Variants in ADGRB3 observed in about 807,000 individuals in gnomAD.
ADGRB3 encodes adhesion G protein-coupled receptor B3, also known as brain-specific angiogenesis inhibitor 3.
A neutral mutation model predicts 193.4 loss-of-function variants in ADGRB3; 37 were observed. The observed-to-expected ratio is 0.19, with a 90% CI of 0.15 to 0.25. The LOEUF is 0.25. ADGRB3 is among the 10% of genes least tolerant of loss of function. The pLI is 1.00. For missense variants in ADGRB3, 1,637 were observed against 1,852.9 expected, an observed-to-expected ratio of 0.88 and a Z score of 2.14; for synonymous variants, 690 against 644.2, an observed-to-expected ratio of 1.07 and a Z score of -1.08.
intron 17 of ADGRB3, among the ~76,000 whole-genome samples, chr6:69,173,281 A>G (rs1775335782): frequency 6.6e-6 from 1 of 152,088 alleles, no homozygotes; most frequent in South Asian, 2.1e-4. Flanking sequence ...CAGGTGATCC[A>G]CCCACCTCGG....
chr6:69,115,172 A>G (rs1222989020), intron 17 of ADGRB3, among the ~76,000 whole-genome samples: 1 of 152,222 alleles, frequency 6.6e-6, no homozygotes, highest in East Asian at 1.9e-4. Flanking sequence ...ACTATTCCCA[A>G]TAGCAAAGAC....
At chr6:69,092,060 T>C (rs1772725881) in intron 17 of ADGRB3, among the ~76,000 whole-genome samples, 1 of 152,216 alleles carries the variant, frequency 6.6e-6, no homozygotes, top group African/African-American at 2.4e-5. Context: ...TTTCAACAGT[T>C]AAACCTTTTC....
At chr6:69,044,065 A>ACAAAAG (rs1428420472) in intron 13 of ADGRB3, among the ~76,000 whole-genome samples, 5 of 152,042 alleles carry the variant, frequency 3.3e-5, no homozygotes, top group African/African-American at 1.2e-4. Flanking sequence ...AAAAACAAAA[A>ACAAAAG]CAAAGCAGCA....
rs550845365 is a variant in ADGRB3 at position 69,006,341 on chromosome 6, A to G, written c.1930-7697A>G. 3.3e-5 allele frequency among the ~76,000 whole-genome samples: 5 copies of G among 152,176 alleles called. No homozygotes were observed. The South Asian group carries it at 1.0e-3, about 32-fold the overall frequency. ...ATCAGGGGAAAAAAAAACGAGATCT[A>G]CTATTAGGTTGATGCAAAAGTAATT... is the stretch of plus-strand genomic sequence containing the variant. On this transcript the variant is annotated intron_variant, in intron 11 of 31. Coordinates refer to ENST00000370598, the MANE Select transcript of ADGRB3 (RefSeq NM_001704.3).
chr6:68,874,813 A>G (rs537187618), intron 3 of ADGRB3, among the ~76,000 whole-genome samples: 2 of 152,186 alleles, frequency 1.3e-5, no homozygotes, highest in African/African-American at 4.8e-5. Context: ...TCAGTTAAGC[A>G]GTCTATATAT....
At chr6:68,982,742 A>G (rs1768956120) in intron 10 of ADGRB3, among the ~76,000 whole-genome samples, 2 of 152,132 alleles carry the variant, frequency 1.3e-5, no homozygotes, top group Admixed American at 1.3e-4. Flanking sequence ...TTCACGAGAA[A>G]AAAAATCTCA....
At chr6:68,731,541 G>A (rs940083366) in intron 3 of ADGRB3, among the ~76,000 whole-genome samples, 1 of 151,428 alleles carries the variant, frequency 6.6e-6, no homozygotes, top group Non-Finnish European at 1.5e-5. Context: ...TTTCAAATAT[G>A]ATATACTTCA....
chr6:68,861,266 T>C (rs1765143700), intron 3 of ADGRB3, among the ~76,000 whole-genome samples: 1 of 152,150 alleles, frequency 6.6e-6, no homozygotes, highest in African/African-American at 2.4e-5. Context: ...CTTCACTATT[T>C]ACCATCTGTC....
At position 69,237,444 on chromosome 6, in the gene ADGRB3, T is replaced by C. The variant is rs930753717; in HGVS notation, c.2712-1680T>C. 2.0e-5 allele frequency among the ~76,000 whole-genome samples: 3 copies of C among 152,054 alleles called. No individual in the cohort carries two copies. The South Asian group carries it at 6.2e-4, about 31-fold the overall frequency. On this transcript the variant is annotated intron_variant, in intron 19 of 31. Transcript: ENST00000370598. ...GATAAGTTTGGCAGAGTTACATTTT[T>C]ACATGAAAAAATAATGAAGCATGTC... is the stretch of plus-strand genomic sequence containing the variant.
intron 3 of ADGRB3, among the ~76,000 whole-genome samples, chr6:68,688,053 A>G (rs1436737473): frequency 3.9e-5 from 6 of 152,138 alleles, no homozygotes; most frequent in Non-Finnish European, 8.8e-5. Context: ...TCAAAAGGAG[A>G]TTGAGTAACC....
chr6:68,662,384 T>C (rs1387887317), intron 3 of ADGRB3, among the ~76,000 whole-genome samples: 1 of 151,530 alleles, frequency 6.6e-6, no homozygotes, highest in Non-Finnish European at 1.5e-5. Flanking sequence ...AGAATTTAAG[T>C]GAAGTTCCCA....
At position 68,793,409 on chromosome 6, in the gene ADGRB3, T is replaced by C. The variant is rs56404853; in HGVS notation, c.758-137150T>C. Among the ~76,000 whole-genome samples the C allele has an allele frequency of 6.0e-3, 916 of 152,302 alleles. 4 individuals are homozygous for C. Among genetic ancestry groups the C allele is most frequent in the Non-Finnish European group, 8.8e-3 (599 of 68,026 alleles). ...GTGTGTATGTGTATTACACATATTA[T>C]TTATAGCTACAGATCATATCTTTAT... On this transcript the variant is annotated intron_variant, in intron 3 of 31. Coordinates refer to ENST00000370598, the MANE Select transcript of ADGRB3 (RefSeq NM_001704.3).
intron 3 of ADGRB3, among the ~76,000 whole-genome samples, chr6:68,803,476 A>G (rs1200589760): frequency 6.6e-6 from 1 of 151,928 alleles, no homozygotes; most frequent in Non-Finnish European, 1.5e-5. Context: ...AAATATATCC[A>G]CGTCTTCACT....
rs766001957 is a variant in ADGRB3 at position 69,361,365 on chromosome 6, G to A, written c.4092G>A (p.Glu1364=). The A allele has an allele frequency of 3.7e-6, 6 of 1,612,828 alleles. No homozygotes were observed. The Admixed American group carries it at 5.0e-5, about 13-fold the overall frequency. ...TGGACCAGTTCAATATGAACTTAGA[G>A]CAACATCTCGCACCCCAGGAACATA... ...PVMDQFNMNL[E]QHLAPQEHMQ... The change falls in exon 29 of 32, where the codon GAG becomes GAA. Residue 1364 remains glutamate, a synonymous_variant. Coordinates refer to ENST00000370598, the MANE Select transcript of ADGRB3 (RefSeq NM_001704.3).
At chr6:69,321,508 A>G (rs773739153) in intron 20 of ADGRB3, among the ~76,000 whole-genome samples, 32 of 151,814 alleles carry the variant, frequency 2.1e-4, no homozygotes, top group Non-Finnish European at 3.8e-4. Flanking sequence ...GTCCAGTGAT[A>G]GTGATAATTG....
chr6:69,164,898 C>A (rs1453906558), intron 17 of ADGRB3, among the ~76,000 whole-genome samples: 6 of 152,060 alleles, frequency 3.9e-5, no homozygotes. Context: ...GTGCCTGGCA[C>A]ATATTAAACA....
At chr6:68,787,058 G>A (rs1766989216) in intron 3 of ADGRB3, among the ~76,000 whole-genome samples, 1 of 152,190 alleles carries the variant, frequency 6.6e-6, no homozygotes, top group African/African-American at 2.4e-5. Context: ...TTTGGGCTGA[G>A]ATGATGGCGT....
chr6:69,014,520 T>C (rs1582394830), intron 12 of ADGRB3, among the ~76,000 whole-genome samples: 1 of 152,038 alleles, frequency 6.6e-6, no homozygotes, highest in East Asian at 1.9e-4. Context: ...TGATTTTGAT[T>C]CAAAGCCAAG....
intron 26 of ADGRB3, among the ~76,000 whole-genome samples, chr6:69,349,707 TC>T (rs1561995498): frequency 6.6e-6 from 1 of 152,124 alleles, no homozygotes; most frequent in Non-Finnish European, 1.5e-5. Context: ...GAAACTCTTC[TC>T]CCCCGAAGGA....
Sources: allele counts gnomAD v4.1 joint callset (sites outside exome capture counted in the v4.1 genomes callset), GRCh38; gene constraint gnomAD v4.1.1; transcripts MANE v1.5; gene names NCBI Gene and HGNC (gene_info 2026-07-23, HGNC 2026-07-21).